The following PXDNL variants were observed in gnomAD, a reference collection of about 807,000 sequenced individuals.
The protein encoded by PXDNL is peroxidasin like.
In PXDNL, 145 loss-of-function variants were observed where a neutral mutation model predicts 150.8. That is an observed-to-expected ratio of 0.96 (90% CI 0.84 to 1.10). The LOEUF (loss-of-function observed/expected upper bound fraction) is 1.10. Among genes scored for constraint, PXDNL ranks in the 50% least tolerant of loss-of-function variants. The pLI is 0.00. For missense variants in PXDNL, 2,087 were observed against 1,873.9 expected, an observed-to-expected ratio of 1.11 and a Z score of -2.10; for synonymous variants, 757 against 725.7, an observed-to-expected ratio of 1.04 and a Z score of -0.69.
At chr8:51,461,447 G>C (rs192320834) in intron 8 of PXDNL, among the ~76,000 whole-genome samples, 39 of 152,212 alleles carry the variant, frequency 2.6e-4, no homozygotes, top group Non-Finnish European at 2.2e-4. Flanking sequence ...GTAAGCTAGA[G>C]GGCAGCCACC....
chr8:51,614,137 TAGAATCTA>T (rs1347664098), intron 2 of PXDNL, among the ~76,000 whole-genome samples: 4 of 152,252 alleles, frequency 2.6e-5, no homozygotes, highest in African/African-American at 7.2e-5. Flanking sequence ...TTCAGAATTA[TAGAATCTA>T]AGAATCTAAG....
chr8:51,801,963 C>A (rs718251), intron 1 of PXDNL, among the ~76,000 whole-genome samples: 77,134 of 151,968 alleles, frequency 0.51, 23,687 homozygotes, highest in Non-Finnish European at 0.68. Context: ...ACACTCCAGG[C>A]GACATGAGTA....
intron 21 of PXDNL, among the ~76,000 whole-genome samples, chr8:51,326,768 G>T (rs1805507391): frequency 6.6e-6 from 1 of 152,060 alleles, no homozygotes; most frequent in Admixed American, 6.6e-5. Flanking sequence ...ATCCTTATCT[G>T]CATGGTTCCT....
intron 2 of PXDNL, among the ~76,000 whole-genome samples, chr8:51,617,290 G>A (rs1585624242): frequency 1.3e-5 from 2 of 152,280 alleles, no homozygotes; most frequent in South Asian, 2.1e-4. Flanking sequence ...GACAGCATTT[G>A]TTACTGTATA....
chr8:51,407,939 C>T, intron 17 of PXDNL, 128 bp downstream of exon 17: 1 of 738,458 alleles, frequency 1.4e-6, no homozygotes. Context: ...TAAACCTCTC[C>T]AACAATAACA....
At chr8:51,423,810 T>G in intron 13 of PXDNL, 79 bp from the exon 14 acceptor site, 1 of 1,345,288 alleles carries the variant, frequency 7.4e-7, no homozygotes, top group Non-Finnish European at 1.0e-6. Flanking sequence ...AAATGTGGGT[T>G]CATTTATTCA....
intron 1 of PXDNL, among the ~76,000 whole-genome samples, chr8:51,700,326 TAC>T (rs1816228770): frequency 6.6e-6 from 1 of 150,920 alleles, no homozygotes; most frequent in Admixed American, 6.6e-5. Context: ...CAAAAATAAA[TAC>T]ACACATATAC....
chr8:51,765,398 C>T (rs553808244), intron 1 of PXDNL, among the ~76,000 whole-genome samples: 5 of 152,272 alleles, frequency 3.3e-5, no homozygotes, highest in African/African-American at 7.2e-5. Context: ...TCCCCAGCCA[C>T]GCAGAACTGT....
intron 2 of PXDNL, among the ~76,000 whole-genome samples, chr8:51,640,541 G>A (rs1298133281): frequency 6.6e-6 from 1 of 152,114 alleles, no homozygotes; most frequent in East Asian, 1.9e-4. Flanking sequence ...AAAATCACAA[G>A]CATTCTTACA....
intron 19 of PXDNL, among the ~76,000 whole-genome samples, chr8:51,365,069 T>C (rs1469966587): frequency 2.6e-5 from 4 of 152,186 alleles, no homozygotes; most frequent in Admixed American, 6.5e-5. Context: ...GCCTCCCAAG[T>C]AGCTGGGATT....
Position 51,651,898 on chromosome 8 carries a change from C to T in PXDNL, c.236+2791G>A, listed in dbSNP as rs559756304. On this transcript the variant is annotated intron_variant, in intron 2 of 22. Coordinates refer to ENST00000356297, the MANE Select transcript of PXDNL (RefSeq NM_144651.5). The stretch of plus-strand genomic sequence containing the variant: ...TGCTGCAGCGGGTGAAATTCAGGGT[C>T]TGATAACAGATCCTTGATCTTACCC... Among the ~76,000 whole-genome samples, 79 of 152,304 alleles carry T rather than the reference C, an allele frequency of 5.2e-4. 2 individuals carry two copies. The South Asian group carries it at 0.013, about 26-fold the overall frequency.
At chr8:51,683,577 A>T (rs1196952992) in intron 1 of PXDNL, among the ~76,000 whole-genome samples, 1 of 152,054 alleles carries the variant, frequency 6.6e-6, no homozygotes, top group Non-Finnish European at 1.5e-5. Flanking sequence ...GCTGTACAAC[A>T]TTGCCCCTGG....
In PXDNL at chr8:51,751,935, C is replaced by T. The variant is rs573477914; in HGVS notation, c.164+57246G>A. On this transcript the variant is annotated intron_variant, in intron 1 of 22. Coordinates refer to ENST00000356297, the MANE Select transcript of PXDNL (RefSeq NM_144651.5). ...GGGTTGGGCTGCTATTTCTTGTGGC[C>T]CAATAACAAGATGCAGATGAACAGG... Among the ~76,000 whole-genome samples, 41 of 152,160 alleles carry T rather than the reference C, an allele frequency of 2.7e-4. 1 individual carries two copies. The South Asian group carries it at 8.3e-3, about 31-fold the overall frequency.
At chr8:51,628,766 C>A (rs1014327445) in intron 2 of PXDNL, among the ~76,000 whole-genome samples, 11 of 151,904 alleles carry the variant, frequency 7.2e-5, no homozygotes, top group African/African-American at 2.4e-4. Context: ...TACCAAAATT[C>A]TAGCTGGACA....
chr8:51,788,917 G>T (rs2037484750), intron 1 of PXDNL, among the ~76,000 whole-genome samples: 1 of 152,126 alleles, frequency 6.6e-6, no homozygotes, highest in Non-Finnish European at 1.5e-5. Context: ...TACTCCACAA[G>T]GGCCAAGTCA....
At chr8:51,632,952 T>C (rs186473740) in intron 2 of PXDNL, among the ~76,000 whole-genome samples, 15 of 152,292 alleles carry the variant, frequency 9.8e-5, no homozygotes, top group Admixed American at 9.2e-4. Flanking sequence ...TACATGGGTA[T>C]ACTGGGTGAT....
chr8:51,585,357 C>A (rs1398664083), intron 3 of PXDNL, among the ~76,000 whole-genome samples: 1 of 152,024 alleles, frequency 6.6e-6, no homozygotes, highest in African/African-American at 2.4e-5. Context: ...TATGTTCCAC[C>A]TCAGGGAGGT....
chr8:51,479,173 T>A (rs1372227643), intron 6 of PXDNL, among the ~76,000 whole-genome samples: 3 of 152,090 alleles, frequency 2.0e-5, no homozygotes, highest in Non-Finnish European at 2.9e-5. Flanking sequence ...AGATTTAACA[T>A]GAAAGAATAA....
At chr8:51,667,940 C>G (rs1815420273) in intron 1 of PXDNL, among the ~76,000 whole-genome samples, 1 of 152,122 alleles carries the variant, frequency 6.6e-6, no homozygotes, top group Non-Finnish European at 1.5e-5. Flanking sequence ...GAAAATCATT[C>G]TGTGTGAAAT....
Sources: allele counts gnomAD v4.1 joint callset (sites outside exome capture counted in the v4.1 genomes callset), GRCh38; gene constraint gnomAD v4.1.1; transcripts MANE v1.5; gene names NCBI Gene and HGNC (gene_info 2026-07-23, HGNC 2026-07-21).